The following SAFB2 variants were observed in gnomAD, a reference collection of about 807,000 sequenced individuals.
SAFB2 encodes scaffold attachment factor B2.
Under a neutral mutation model 100.6 loss-of-function variants are expected in SAFB2, and 32 were observed. The ratio of observed to expected loss-of-function variants is 0.32; its 90% CI spans 0.24 to 0.43. The LOEUF (loss-of-function observed/expected upper bound fraction) is 0.43. SAFB2 is among the 20% of genes least tolerant of loss of function. The pLI is 1.00. For missense variants in SAFB2, 1,185 were observed against 1,163.4 expected (o/e 1.02, Z -0.27); for synonymous variants, 500 against 439.4 (o/e 1.14, Z -1.72).
At position 5,622,772 on chromosome 19, in the gene SAFB2, G is replaced by A. The variant is rs897451570; in HGVS notation, c.-57C>T. The A allele has an allele frequency of 7.2e-6, 11 of 1,528,798 alleles. No homozygotes were observed. The East Asian group carries it at 1.9e-4, about 27-fold the overall frequency. The allele number at this position is 1,528,798 out of a possible 1,614,324, so 94.7% of individuals were successfully genotyped here. On this transcript the variant is annotated 5_prime_UTR_variant, in exon 1 of 21. Coordinates refer to ENST00000252542, the MANE Select transcript of SAFB2 (RefSeq NM_014649.3). ...TCGCACACCGCCGGCAGCTATAGCG[G>A]CTCTGAACACAAAATGGCGCCGCCT...
At position 5,600,183 on chromosome 19, in the gene SAFB2, T is replaced by C; in HGVS notation, c.1637A>G (p.Asp546Gly). The C allele has an allele frequency of 6.2e-7, 1 of 1,614,120 alleles. No homozygotes were observed. The highest frequency in any genetic ancestry group is 8.5e-7 in the Non-Finnish European group (1 of 1,179,996). The stretch of plus-strand genomic sequence containing the variant: ...AGGTCCGGGTTTCAGCTCATCCTGG[T>C]CTTTTTCTTCCTTCTTAATGTCTTC... ...KPEDIKKEEK[D>G]QDELKPGPTN... Residue 546 changes from aspartate (D) to glycine (G), a missense_variant, in exon 12 of 21, where the codon GAC (aspartate) becomes GGC (glycine). By Grantham distance (94) the Asp-to-Gly change is moderately conservative (BLOSUM62 -1). This residue lies in a region of SAFB2 where 740 missense variants were observed against 687.1 expected (regional missense o/e 1.08). Transcript: ENST00000252542.
chr19:5,621,405 G>C lies in SAFB2; in HGVS notation c.187-9C>G. On this transcript the variant is annotated splice_polypyrimidine_tract_variant and intron_variant, in intron 1 of 20. Transcript: ENST00000252542. ...CCCTCTTCTTTAACCGCCTATTAGG[G>C]AGAGATGAGTTTTACAACATCATTA... The C allele has an allele frequency of 1.3e-6, 2 of 1,578,942 alleles. No homozygotes were observed. Among genetic ancestry groups the C allele is most frequent in the South Asian group, 1.1e-5 (1 of 90,376 alleles).
intron 2 of SAFB2, 64 bp downstream of exon 2, chr19:5,621,245 A>G (rs961658548): frequency 2.5e-5 from 27 of 1,067,984 alleles, no homozygotes; most frequent in Non-Finnish European, 4.0e-5. Flanking sequence ...CGGGAAGAGC[A>G]CACTACACAC....
At chr19:5,605,030 G>T in intron 9 of SAFB2, 94 bp from the exon 10 acceptor site, 1 of 1,410,476 alleles carries the variant, frequency 7.1e-7, no homozygotes, top group Non-Finnish European at 9.8e-7. Flanking sequence ...TTCACTATTT[G>T]TCACCTCTCC....
intron 4 of SAFB2, 22 bp downstream of exon 4, chr19:5,616,110 G>A: frequency 1.2e-6 from 2 of 1,612,070 alleles, no homozygotes; most frequent in Non-Finnish European, 1.7e-6. Flanking sequence ...GGCACATCCT[G>A]CCGTGTCTCC....
intron 9 of SAFB2, 110 bp from the exon 10 acceptor site, chr19:5,605,046 TG>T: frequency 7.9e-7 from 1 of 1,273,334 alleles, no homozygotes; most frequent in Non-Finnish European, 1.1e-6. Context: ...TCTCCCCATA[TG>T]GTAGTTTTCC....
intron 4 of SAFB2, among the ~76,000 whole-genome samples, chr19:5,615,468 G>A (rs890616508): frequency 8.5e-5 from 13 of 152,122 alleles, no homozygotes; most frequent in Non-Finnish European, 1.9e-4. Flanking sequence ...AGCACTCTGG[G>A]AGGCTGAGGC....
chr19:5,598,049 C>T (rs558962540), intron 13 of SAFB2, among the ~76,000 whole-genome samples: 7 of 150,418 alleles, frequency 4.7e-5, no homozygotes, highest in Admixed American at 1.3e-4. Context: ...AGGCAGGAGT[C>T]GCTTGAACCC....
At chr19:5,598,229 C>G (rs2052573550) in intron 13 of SAFB2, among the ~76,000 whole-genome samples, 1 of 152,040 alleles carries the variant, frequency 6.6e-6, no homozygotes, top group South Asian at 2.1e-4. Context: ...GTACTGTCAC[C>G]TCATGAATAT....
At chr19:5,601,745 A>AATAG (rs2052663993) in intron 11 of SAFB2, among the ~76,000 whole-genome samples, 1 of 151,846 alleles carries the variant, frequency 6.6e-6, no homozygotes, top group African/African-American at 2.4e-5. Flanking sequence ...TAAATAAATA[A>AATAG]GAAGGACCTT....
Position 5,590,316 on chromosome 19 carries a change from C to T in SAFB2, c.2487G>A (p.Lys829=). The T allele has an allele frequency of 1.1e-5, 17 of 1,608,386 alleles. No homozygotes were observed. The highest frequency in any genetic ancestry group is 1.3e-5 in the Non-Finnish European group (15 of 1,178,220). Residue 829 remains lysine, a synonymous_variant, in exon 18 of 21, where the codon AAG becomes AAA. Coordinates refer to ENST00000252542, the MANE Select transcript of SAFB2 (RefSeq NM_014649.3). ...RDGWGGYGSD[K]RLSEGRGLPP... ...GCAGCCCCCGGCCTTCACTCAGCCT[C>T]TTGTCGGAGCCGTAGCCCCCCCAGC...
rs1424781546 is a variant in SAFB2 at position 5,616,446 on chromosome 19, C to T, written c.315G>A (p.Leu105=). 2.5e-6 allele frequency: 4 copies of T among 1,613,916 alleles called. No homozygotes were observed. The African/African-American group carries it at 5.3e-5, about 22-fold the overall frequency. Residue 105 remains leucine (L), a synonymous_variant, in exon 3 of 21, where the codon CTG becomes CTA. Coordinates refer to ENST00000252542, the MANE Select transcript of SAFB2 (RefSeq NM_014649.3). ...MEEEGTEDNG[L]EDDSRDGQED... ...CCTGCCCGTCTCTGGAATCGTCTTC[C>T]AGGCCATTATCTTCTGTGCCTTCCT...
chr19:5,613,970 T>G (rs1397044465), intron 4 of SAFB2, among the ~76,000 whole-genome samples: 8 of 152,212 alleles, frequency 5.3e-5, no homozygotes, highest in Admixed American at 4.6e-4. Flanking sequence ...CTCATTCATT[T>G]GAGACGGAGT....
At chr19:5,593,786 T>C (rs2052469279) in intron 15 of SAFB2, 105 bp downstream of exon 15, 1 of 1,227,536 alleles carries the variant, frequency 8.1e-7, no homozygotes, top group Admixed American at 3.5e-5. Flanking sequence ...TCAAATTTCA[T>C]TCTCCCCACC....
rs1019734024 is a variant in SAFB2 at position 5,594,144 on chromosome 19, C to G, written c.1954G>C (p.Glu652Gln). Reference sequence around the variant, plus strand: ...TTCTCCTTCCGCTCATGGAAGGCCTCGAGGCGTTGCTCCCGCTCCCGCTGC... The same window carrying G: ...TTCTCCTTCCGCTCATGGAAGGCCTGGAGGCGTTGCTCCCGCTCCCGCTGC... Reference protein sequence around the residue: ...REQREREQRLEAFHERKEKAR... With the variant: ...REQREREQRLQAFHERKEKAR... Residue 652 changes from glutamate (E) to glutamine (Q), a missense_variant, in exon 15 of 21, where the codon GAG becomes CAG. This residue lies in a region of SAFB2 where 740 missense variants were observed against 687.1 expected (regional missense o/e 1.08). Coordinates refer to ENST00000252542, the MANE Select transcript of SAFB2 (RefSeq NM_014649.3). 3.7e-6 allele frequency: 6 copies of G among 1,600,678 alleles called. No homozygotes were observed. Among genetic ancestry groups the G allele is most frequent in the Non-Finnish European group, 5.1e-6 (6 of 1,178,438 alleles).
Position 5,622,507 on chromosome 19 carries a change from C to T in SAFB2, c.186+23G>A, listed in dbSNP as rs765065923. The T allele has an allele frequency of 4.5e-6, 7 of 1,569,522 alleles. No individual in the cohort carries two copies. In the South Asian group the frequency reaches 6.9e-5, roughly 15 times the overall value. On this transcript the variant is annotated intron_variant, in intron 1 of 20. Transcript: ENST00000252542. The stretch of plus-strand genomic sequence containing the variant: ...GGCGTGCCCGGGCCTCCTGCGCCAC[C>T]CCCGAGCCCCGCGCCGCCTCACCTT...
In SAFB2 at chr19:5,590,323, G is replaced by A. The variant is rs958929143; in HGVS notation, c.2480C>T (p.Ser827Phe). 23 of 1,608,984 alleles carry A rather than the reference G, an allele frequency of 1.4e-5. No individual in the cohort carries two copies. Among genetic ancestry groups the A allele is most frequent in the Non-Finnish European group, 1.9e-5 (22 of 1,178,502 alleles). ...CCGGCCTTCACTCAGCCTCTTGTCG[G>A]AGCCGTAGCCCCCCCAGCCATCACG... The part of the protein sequence containing the change: ...DSRDGWGGYG[S>F]DKRLSEGRGL... Residue 827 changes from serine (S) to phenylalanine (F), a missense_variant, in exon 18 of 21, where the codon TCC becomes TTC. Transcript: ENST00000252542.
intron 9 of SAFB2, among the ~76,000 whole-genome samples, chr19:5,605,650 CA>C (rs1048824308): frequency 5.9e-5 from 9 of 152,170 alleles, no homozygotes; most frequent in African/African-American, 2.2e-4. Context: ...GAAATGTCCC[CA>C]TGGGGAAAGG....
chr19:5,595,915 G>C (rs939116593), intron 13 of SAFB2, among the ~76,000 whole-genome samples: 2 of 152,244 alleles, frequency 1.3e-5, no homozygotes. Flanking sequence ...CTGGAGGGCA[G>C]ACTACATGTT....
Sources: allele counts gnomAD v4.1 joint callset (sites outside exome capture counted in the v4.1 genomes callset), GRCh38; gene constraint gnomAD v4.1.1; regional missense constraint gnomAD v4.1.1; transcripts MANE v1.5; gene names NCBI Gene and HGNC (gene_info 2026-07-23, HGNC 2026-07-21).